Variants in RNF217 observed in about 807,000 individuals in gnomAD.
RNF217 encodes E3 ubiquitin-protein ligase RNF217.
Under a neutral mutation model 57.8 loss-of-function variants are expected in RNF217, and 31 were observed. That is an observed-to-expected ratio of 0.54 (90% confidence interval 0.40 to 0.72). The LOEUF (loss-of-function observed/expected upper bound fraction) is 0.72, where lower values mean the gene tolerates loss of function less well. Ranked by LOEUF, RNF217 falls within the 30% of genes least tolerant of loss-of-function variation. The pLI, the probability that RNF217 is intolerant of heterozygous loss-of-function variation, is 0.00. For missense variants in RNF217, 696 were observed against 708.3 expected, an observed-to-expected ratio of 0.98 and a Z score of 0.20; for synonymous variants, 313 against 294.0, an observed-to-expected ratio of 1.06 and a Z score of -0.66.
At chr6:125,050,155 G>A (rs10485343) in intron 2 of RNF217, among the ~76,000 whole-genome samples, 12,301 of 151,944 alleles carry the variant, frequency 0.081, 1,552 homozygotes, top group African/African-American at 0.27. Context: ...GTGCAATTCT[G>A]GGTTTCATTC....
At chr6:125,008,063 C>T (rs1484839003) in intron 1 of RNF217, among the ~76,000 whole-genome samples, 3 of 151,920 alleles carry the variant, frequency 2.0e-5, no homozygotes, top group East Asian at 1.9e-4. Context: ...AAGACCATCC[C>T]GGCTGACATG....
rs1429537165 is a variant in RNF217, at chr6:125,092,451, T to A, written c.*9514T>A. Reference sequence around the variant, plus strand: ...GAGTAATCTTAATTATGAAATCAGATTGCATGGAAGAATATAAAGACACTC... The same window carrying A: ...GAGTAATCTTAATTATGAAATCAGAATGCATGGAAGAATATAAAGACACTC... On this transcript the variant is annotated 3_prime_UTR_variant, in exon 6 of 6. Coordinates refer to ENST00000521654, the MANE Select transcript of RNF217 (RefSeq NM_001286398.3). The A allele has an allele frequency of 1.3e-5, 2 of 152,146 alleles. No homozygotes were observed. Among genetic ancestry groups the A allele is most frequent in the African/African-American group, 4.8e-5 (2 of 41,422 alleles). The allele number at this position is 152,146 out of a possible 1,614,324, so 9.4% of individuals were successfully genotyped here.
chr6:125,040,679 G>A (rs1229641609), intron 1 of RNF217, among the ~76,000 whole-genome samples: 5 of 152,000 alleles, frequency 3.3e-5, no homozygotes, highest in Non-Finnish European at 7.4e-5. Context: ...ACATTGAAGC[G>A]AAAATCATCA....
chr6:124,977,017 AAAAC>A (rs1318388523), intron 1 of RNF217, among the ~76,000 whole-genome samples: 1 of 152,220 alleles, frequency 6.6e-6, no homozygotes, highest in Non-Finnish European at 1.5e-5. Context: ...AAGATTTGTT[AAAAC>A]AAACTGTTCA....
intron 1 of RNF217, among the ~76,000 whole-genome samples, chr6:125,026,428 C>T (rs1401195859): frequency 6.6e-6 from 1 of 152,132 alleles, no homozygotes; most frequent in Non-Finnish European, 1.5e-5. Context: ...AAACGCTCAA[C>T]AAATGTTAGC....
chr6:125,063,216 G>C (rs1787806224), intron 3 of RNF217, among the ~76,000 whole-genome samples: 1 of 152,082 alleles, frequency 6.6e-6, no homozygotes, highest in Non-Finnish European at 1.5e-5. Context: ...AAGAAGAAAA[G>C]TTTCTAAGTC....
At chr6:125,052,283 TTTGTG>T (rs1054433770) in intron 2 of RNF217, among the ~76,000 whole-genome samples, 7 of 139,582 alleles carry the variant, frequency 5.0e-5, no homozygotes, top group Non-Finnish European at 1.0e-4. Flanking sequence ...TGTCATGCGT[TTTGTG>T]TGTGTGTGTG....
At chr6:124,998,619 G>C (rs1295529806) in intron 1 of RNF217, among the ~76,000 whole-genome samples, 2 of 152,144 alleles carry the variant, frequency 1.3e-5, no homozygotes, top group African/African-American at 4.8e-5. Context: ...CCAACATGAT[G>C]AAACCCCATC....
At chr6:125,011,135 G>T (rs994787918) in intron 1 of RNF217, among the ~76,000 whole-genome samples, 1 of 152,088 alleles carries the variant, frequency 6.6e-6, no homozygotes, top group Non-Finnish European at 1.5e-5. Context: ...GAAGGAAGAA[G>T]AACTCCAAAG....
chr6:125,068,048 G>C (rs529852084), intron 3 of RNF217, among the ~76,000 whole-genome samples: 1 of 152,164 alleles, frequency 6.6e-6, no homozygotes, highest in South Asian at 2.1e-4. Context: ...TGCAGATGGG[G>C]GTCATGGATA....
chr6:124,996,728 T>A (rs1185581988), intron 1 of RNF217: 1 of 152,222 alleles, frequency 6.6e-6, no homozygotes, highest in Non-Finnish European at 1.5e-5. Flanking sequence ...AATGAGACTA[T>A]AAGTCACAAC....
intron 1 of RNF217, among the ~76,000 whole-genome samples, chr6:125,001,344 A>G (rs1390113132): frequency 6.6e-6 from 1 of 152,168 alleles, no homozygotes; most frequent in African/African-American, 2.4e-5. Flanking sequence ...TTTTGAGGTC[A>G]GTAGTAAATG....
At chr6:125,057,872 T>C (rs1787579562) in intron 2 of RNF217, 70 bp from the exon 3 acceptor site, 1 of 1,345,806 alleles carries the variant, frequency 7.4e-7, no homozygotes, top group Non-Finnish European at 1.0e-6. Flanking sequence ...TCCCCAAGCA[T>C]CACCTTCTTA....
At chr6:125,017,728 T>C (rs1453003905) in intron 1 of RNF217, among the ~76,000 whole-genome samples, 1 of 152,192 alleles carries the variant, frequency 6.6e-6, no homozygotes, top group African/African-American at 2.4e-5. Context: ...TGGAAGGTTA[T>C]AATTACATAT....
chr6:125,051,615 T>C (rs987322397), intron 2 of RNF217, among the ~76,000 whole-genome samples: 1 of 152,036 alleles, frequency 6.6e-6, no homozygotes, highest in African/African-American at 2.4e-5. Context: ...TTCCTTTCCA[T>C]TTTCAAAAAC....
intron 2 of RNF217, among the ~76,000 whole-genome samples, chr6:125,057,097 C>G (rs1582760535): frequency 6.6e-6 from 1 of 152,192 alleles, no homozygotes; most frequent in Non-Finnish European, 1.5e-5. Flanking sequence ...ACGTTGGTAG[C>G]AAACCAGGAG....
At chr6:125,014,228 T>C (rs1026671510) in intron 1 of RNF217, among the ~76,000 whole-genome samples, 20 of 152,166 alleles carry the variant, frequency 1.3e-4, no homozygotes, top group African/African-American at 4.8e-4. Context: ...TTTATCAAAA[T>C]ACCACCATAG....
At chr6:124,993,615 G>A (rs1488992402) in intron 1 of RNF217, among the ~76,000 whole-genome samples, 1 of 152,184 alleles carries the variant, frequency 6.6e-6, no homozygotes, top group East Asian at 1.9e-4. Flanking sequence ...TATTCGGGTA[G>A]ATATATAAGT....
At chr6:124,978,906 C>A (rs949576194) in intron 1 of RNF217, among the ~76,000 whole-genome samples, 3 of 152,146 alleles carry the variant, frequency 2.0e-5, no homozygotes, top group Non-Finnish European at 4.4e-5. Context: ...GAAAGCAGAT[C>A]CCCTTTCTGC....
Sources: gnomAD v4.1 joint callset for allele counts (sites outside exome capture counted in the v4.1 genomes callset) on GRCh38, gnomAD v4.1.1 for gene constraint, MANE v1.5 for transcripts, NCBI Gene and HGNC (gene_info 2026-07-23, HGNC 2026-07-21) for gene names.